IL1RAPL1: variants seen among roughly 807,000 people sequenced by gnomAD.
IL1RAPL1 encodes the protein interleukin-1 receptor accessory protein-like 1.
A neutral mutation model predicts 48.4 loss-of-function variants in IL1RAPL1; 3 were observed. That is an observed-to-expected ratio of 0.06 (90% CI 0.03 to 0.16). The LOEUF is 0.16. Among genes scored for constraint, IL1RAPL1 ranks in the 10% least tolerant of loss-of-function variants. IL1RAPL1 has a pLI of 1.00. For missense variants in IL1RAPL1, 349 were observed against 530.6 expected, an observed-to-expected ratio of 0.66 and a Z score of 3.36; for synonymous variants, 185 against 187.7, an observed-to-expected ratio of 0.99 and a Z score of 0.12.
intron 5 of IL1RAPL1, among the ~76,000 whole-genome samples, chrX:29,584,313 G>A (rs1339823889): frequency 9.0e-6 from 1 of 111,053 alleles, no homozygotes; most frequent in Non-Finnish European, 1.9e-5. Flanking sequence ...GAAAACATAC[G>A]AACAGTCCAT....
intron 2 of IL1RAPL1, among the ~76,000 whole-genome samples, chrX:29,082,343 G>T (rs1927861907): frequency 8.9e-6 from 1 of 112,159 alleles, no homozygotes; most frequent in Non-Finnish European, 1.9e-5. Flanking sequence ...GGATAACTGT[G>T]TAATCATTTG....
At chrX:29,666,102 A>G (rs1329752640) in intron 5 of IL1RAPL1, among the ~76,000 whole-genome samples, 3 of 110,935 alleles carry the variant, frequency 2.7e-5, no homozygotes, top group Non-Finnish European at 5.7e-5. Context: ...TTTTTAAGTT[A>G]TTAATATTTT....
At chrX:29,446,216 C>G (rs761070713) in intron 5 of IL1RAPL1, among the ~76,000 whole-genome samples, 188 of 111,272 alleles carry the variant, frequency 1.7e-3, no homozygotes, top group Non-Finnish European at 3.2e-3. Context: ...TCTTGAAAAA[C>G]AATAAAGAGC....
At chrX:29,284,449 A>G (rs1932249371) in intron 3 of IL1RAPL1, among the ~76,000 whole-genome samples, 1 of 112,864 alleles carries the variant, frequency 8.9e-6, no homozygotes, top group Non-Finnish European at 1.9e-5. Context: ...TTTTCAAAGA[A>G]CAAATGCATC....
chrX:29,919,913 TTGTG>T (rs1932832387), intron 7 of IL1RAPL1, 32 bp from the exon 8 acceptor site: 1 of 1,175,297 alleles, frequency 8.5e-7, no homozygotes, highest in Non-Finnish European at 1.2e-6. Flanking sequence ...ATGTGTCTGT[TTGTG>T]TGGATTTTTG....
chrX:29,182,881 G>A (rs1569254213), intron 2 of IL1RAPL1, among the ~76,000 whole-genome samples: 2 of 111,356 alleles, frequency 1.8e-5, no homozygotes. Context: ...CTTTATAAGA[G>A]GGAGGCAGGA....
At chrX:29,694,397 T>C (rs1210782996) in intron 6 of IL1RAPL1, among the ~76,000 whole-genome samples, 1 of 112,028 alleles carries the variant, frequency 8.9e-6, no homozygotes, top group Non-Finnish European at 1.9e-5. Context: ...GCAGTATGCA[T>C]ATAGATATCA....
chrX:29,578,123 A>C (rs966549787), intron 5 of IL1RAPL1, among the ~76,000 whole-genome samples: 2 of 111,888 alleles, frequency 1.8e-5, no homozygotes, highest in African/African-American at 6.5e-5. Context: ...AATAGTTATA[A>C]GAAAAAGCCA....
chrX:29,492,408 C>T (rs1935168731), intron 5 of IL1RAPL1, among the ~76,000 whole-genome samples: 1 of 112,101 alleles, frequency 8.9e-6, no homozygotes, highest in Non-Finnish European at 1.9e-5. Flanking sequence ...GCACAGGTCT[C>T]ACTTGGCTAA....
At chrX:29,650,167 G>GGAA (rs1436646539) in intron 5 of IL1RAPL1, among the ~76,000 whole-genome samples, 1 of 111,489 alleles carries the variant, frequency 9.0e-6, no homozygotes, top group African/African-American at 3.3e-5. Context: ...TTCACAAACT[G>GGAA]GAAGAATAAA....
intron 1 of IL1RAPL1, among the ~76,000 whole-genome samples, chrX:28,758,277 C>G (rs756929327): frequency 5.2e-4 from 58 of 111,161 alleles, no homozygotes; most frequent in Non-Finnish European, 3.0e-4. Context: ...GGAATAAAAG[C>G]AAGAGTTTCT....
intron 8 of IL1RAPL1, among the ~76,000 whole-genome samples, chrX:29,920,720 G>A (rs987537698): frequency 2.9e-5 from 3 of 104,173 alleles, no homozygotes; most frequent in African/African-American, 1.1e-4. Context: ...ACTTGAGCCT[G>A]GGAGGTGGAG....
At chrX:29,803,644 C>T (rs1229954307) in intron 6 of IL1RAPL1, among the ~76,000 whole-genome samples, 2 of 101,960 alleles carry the variant, frequency 2.0e-5, no homozygotes, top group East Asian at 3.1e-4. Context: ...TATATATATA[C>T]ACGCGTGTAT....
intron 2 of IL1RAPL1, among the ~76,000 whole-genome samples, chrX:29,127,150 T>G (rs1180658594): frequency 9.0e-6 from 1 of 110,970 alleles, no homozygotes; most frequent in Non-Finnish European, 1.9e-5. Context: ...GGTTTTGTTC[T>G]CCTCCTGTTT....
chrX:29,334,184 C>T (rs1395286255), intron 3 of IL1RAPL1, among the ~76,000 whole-genome samples: 37 of 50,576 alleles, frequency 7.3e-4, no homozygotes, highest in Middle Eastern at 0.023. Context: ...ACGGGGCGGC[C>T]GGCCGGGCGG....
intron 2 of IL1RAPL1, among the ~76,000 whole-genome samples, chrX:28,861,667 G>A (rs1921947592): frequency 9.0e-6 from 1 of 110,855 alleles, no homozygotes; most frequent in East Asian, 2.9e-4. Flanking sequence ...ATCCCTAAAG[G>A]CAGCTGAGGG....
chrX:29,630,315 T>C (rs1247126268), intron 5 of IL1RAPL1, among the ~76,000 whole-genome samples: 2 of 111,532 alleles, frequency 1.8e-5, no homozygotes, highest in Non-Finnish European at 3.8e-5. Context: ...CATATGAATT[T>C]TGGGGGGACA....
chrX:29,931,964 A>G (rs1373449891), intron 8 of IL1RAPL1, among the ~76,000 whole-genome samples: 1 of 112,434 alleles, frequency 8.9e-6, no homozygotes, highest in African/African-American at 3.2e-5. Context: ...GGAAAGCAAT[A>G]CTTTTCTAAG....
At chrX:29,127,734 T>C (rs1445325010) in intron 2 of IL1RAPL1, among the ~76,000 whole-genome samples, 1 of 110,343 alleles carries the variant, frequency 9.1e-6, no homozygotes, top group East Asian at 2.9e-4. Flanking sequence ...CCGAGGCGGG[T>C]GGATCATGAG....
Sources: gnomAD v4.1 joint callset for allele counts (sites outside exome capture counted in the v4.1 genomes callset) on GRCh38, gnomAD v4.1.1 for gene constraint, MANE v1.5 for transcripts, NCBI Gene and HGNC (gene_info 2026-07-23, HGNC 2026-07-21) for gene names.